The following ADAMTS2 variants were observed in gnomAD, a reference collection of about 807,000 sequenced individuals.
ADAMTS2 encodes ADAM metallopeptidase with thrombospondin type 1 motif 2, also known as A disintegrin and metalloproteinase with thrombospondin motifs 2.
A neutral mutation model predicts 123.0 loss-of-function variants in ADAMTS2; 50 were observed. The observed-to-expected ratio is 0.41, with a 90% CI of 0.32 to 0.51. ADAMTS2 has a LOEUF of 0.51. Among genes scored for constraint, ADAMTS2 ranks in the 20% least tolerant of loss-of-function variants. The pLI, the probability that ADAMTS2 is intolerant of heterozygous loss-of-function variation, is 0.35. For synonymous variants in ADAMTS2, 678 were observed against 695.4 expected (o/e 0.98, Z 0.39); for missense variants, 1,494 against 1,705.2 (o/e 0.88, Z 2.18).
In ADAMTS2 at chr5:179,238,185, G is replaced by T. The variant is rs201165214; in HGVS notation, c.689-30470C>A. On this transcript the variant is annotated intron_variant, in intron 3 of 21. Transcript: ENST00000251582. ...TCCTGAGCTTGAAGGAAGCCACAGCGGAACTTGGAGCTGCTCTAGTTCTCT... is the reference window on the plus strand; with the variant it reads ...TCCTGAGCTTGAAGGAAGCCACAGCTGAACTTGGAGCTGCTCTAGTTCTCT... Among the ~76,000 whole-genome samples the T allele has an allele frequency of 1.8e-4, 28 of 152,320 alleles. No homozygotes were observed. In the East Asian group the frequency reaches 5.2e-3, roughly 28 times the overall value.
At chr5:179,337,193 G>A (rs528568219) in intron 2 of ADAMTS2, among the ~76,000 whole-genome samples, 1 of 152,244 alleles carries the variant, frequency 6.6e-6, no homozygotes, top group East Asian at 1.9e-4. Context: ...CCACCAGTAG[G>A]GGATGGGGGT....
chr5:179,212,021 G>T (rs1764864554), intron 3 of ADAMTS2, among the ~76,000 whole-genome samples: 1 of 152,178 alleles, frequency 6.6e-6, no homozygotes, highest in Non-Finnish European at 1.5e-5. Flanking sequence ...AGGCCTCTGA[G>T]TCCAACGTTG....
chr5:179,163,633 C>T (rs993955075), intron 5 of ADAMTS2, among the ~76,000 whole-genome samples: 2 of 152,208 alleles, frequency 1.3e-5, no homozygotes, highest in South Asian at 2.1e-4. Context: ...CCACTCTGGC[C>T]GATCACCTCT....
intron 2 of ADAMTS2, among the ~76,000 whole-genome samples, chr5:179,320,182 G>T (rs1468206503): frequency 1.3e-5 from 2 of 152,296 alleles, no homozygotes; most frequent in East Asian, 3.9e-4. Context: ...TGTCTGCCTC[G>T]TGTCCTTCTC....
chr5:179,133,843 C>T (rs954837295), intron 13 of ADAMTS2, among the ~76,000 whole-genome samples: 3 of 151,740 alleles, frequency 2.0e-5, no homozygotes, highest in Non-Finnish European at 2.9e-5. Flanking sequence ...CTCAGCCTCC[C>T]GAGTCGCTGC....
intron 2 of ADAMTS2, among the ~76,000 whole-genome samples, chr5:179,316,014 T>C (rs756973198): frequency 1.3e-5 from 2 of 152,092 alleles, no homozygotes; most frequent in Admixed American, 6.5e-5. Flanking sequence ...TCAATACATA[T>C]ATAAGAAAAA....
At position 179,158,774 on chromosome 5, in the gene ADAMTS2, C is replaced by A; in HGVS notation, c.1081G>T (p.Asp361Tyr). The A allele has an allele frequency of 6.2e-7, 1 of 1,614,226 alleles. No individual in the cohort carries two copies. Among genetic ancestry groups the A allele is most frequent in the Non-Finnish European group, 8.5e-7 (1 of 1,180,054 alleles). Residue 361 changes from aspartate to tyrosine, a missense_variant, in exon 6 of 22, where the codon GAT (aspartate) becomes TAT (tyrosine). This residue lies in a region of ADAMTS2 where 47 missense variants were observed against 92.7 expected (regional missense o/e 0.51). Coordinates refer to ENST00000251582, the MANE Select transcript of ADAMTS2 (RefSeq NM_014244.5). The surrounding 1 kb of genome is among the most constrained non-coding windows in gnomAD (Gnocchi z 5.0). ...KPDTGHDEYH[D>Y]HAIFLTRQDF... ...TGCCGTGTGAGGAAGATGGCGTGATCGTGGTATTCATCGTGGCCCGTGTCT... is the reference window on the plus strand; with the variant it reads ...TGCCGTGTGAGGAAGATGGCGTGATAGTGGTATTCATCGTGGCCCGTGTCT...
chr5:179,118,795 G>C lies in ADAMTS2; in HGVS notation c.3178+2866C>G, dbSNP rs1053398112. 6.6e-6 allele frequency among the ~76,000 whole-genome samples: 1 copy of C among 152,236 alleles called. No homozygotes were observed. Among genetic ancestry groups the C allele is most frequent in the African/African-American group, 2.4e-5 (1 of 41,460 alleles). On this transcript the variant is annotated intron_variant, in intron 21 of 21. Coordinates refer to ENST00000251582, the MANE Select transcript of ADAMTS2 (RefSeq NM_014244.5). This position sits in a 1 kb window ranked among gnomAD's most constrained non-coding sequence, Gnocchi z 4.5. ...GCTGAAGGGAAATGAGCAAATGTGAGACAGGCTAAAGCTGGTAGCAAGTGA... is the reference window on the plus strand; with the variant it reads ...GCTGAAGGGAAATGAGCAAATGTGACACAGGCTAAAGCTGGTAGCAAGTGA...
chr5:179,176,310 C>T (rs1348476406), intron 5 of ADAMTS2, among the ~76,000 whole-genome samples: 1 of 152,130 alleles, frequency 6.6e-6, no homozygotes, highest in Non-Finnish European at 1.5e-5. Flanking sequence ...CTCTCCCAGG[C>T]TCCCCCTAGG....
At chr5:179,231,748 G>A (rs915813370) in intron 3 of ADAMTS2, among the ~76,000 whole-genome samples, 3 of 151,750 alleles carry the variant, frequency 2.0e-5, no homozygotes, top group Admixed American at 6.6e-5. Flanking sequence ...GAGTCTTCTC[G>A]GTGCAGTGAA....
chr5:179,150,651 A>G (rs1763337301), intron 10 of ADAMTS2, among the ~76,000 whole-genome samples: 1 of 152,202 alleles, frequency 6.6e-6, no homozygotes, highest in Admixed American at 6.5e-5. Context: ...ATTCTGCTGA[A>G]TGAAGTGAGT....
At chr5:179,282,136 G>C (rs1462287501) in intron 2 of ADAMTS2, among the ~76,000 whole-genome samples, 1 of 152,118 alleles carries the variant, frequency 6.6e-6, no homozygotes, top group Non-Finnish European at 1.5e-5. Context: ...AGTCATGAAG[G>C]ACTTTCTTGA....
intron 10 of ADAMTS2, 79 bp downstream of exon 10, chr5:179,152,063 C>T: frequency 7.4e-7 from 1 of 1,349,734 alleles, no homozygotes; most frequent in Admixed American, 1.8e-5. Context: ...CACTTCAGGG[C>T]CTGTCCCTGG....
intron 2 of ADAMTS2, among the ~76,000 whole-genome samples, chr5:179,288,881 C>A (rs980641751): frequency 1.1e-4 from 17 of 152,228 alleles, no homozygotes; most frequent in Non-Finnish European, 2.4e-4. Flanking sequence ...AAGGCCACAC[C>A]AGGCTTATGT....
At chr5:179,140,141 TG>T in intron 10 of ADAMTS2, 106 bp from the exon 11 acceptor site, 1 of 1,545,896 alleles carries the variant, frequency 6.5e-7, no homozygotes. Context: ...GGCCCCACTC[TG>T]GGGCACAGGG....
intron 10 of ADAMTS2, among the ~76,000 whole-genome samples, chr5:179,149,328 C>A (rs1219397070): frequency 6.6e-6 from 1 of 152,216 alleles, no homozygotes; most frequent in Non-Finnish European, 1.5e-5. Flanking sequence ...AGAAGCCAAC[C>A]TTGCTGGCAC....
At position 179,158,375 on chromosome 5, in the gene ADAMTS2, G is replaced by A. The variant is rs367872566; in HGVS notation, c.1132+348C>T. Among the ~76,000 whole-genome samples, 1 of 152,172 alleles carries A rather than the reference G, an allele frequency of 6.6e-6. No individual in the cohort carries two copies. The highest frequency in any genetic ancestry group is 1.5e-5 in the Non-Finnish European group (1 of 68,038). The stretch of plus-strand genomic sequence containing the variant: ...TCTTATTTAGACCTAAAATCCATGT[G>A]AGATGCTCTCTGTCTATAGAGTGAG... On this transcript the variant is annotated intron_variant, in intron 6 of 21. Coordinates refer to ENST00000251582, the MANE Select transcript of ADAMTS2 (RefSeq NM_014244.5). This position sits in a 1 kb window ranked among gnomAD's most constrained non-coding sequence, Gnocchi z 5.0.
chr5:179,329,245 T>G (rs1483474853), intron 2 of ADAMTS2, among the ~76,000 whole-genome samples: 1 of 150,700 alleles, frequency 6.6e-6, no homozygotes, highest in Non-Finnish European at 1.5e-5. Context: ...GAGAATGGCG[T>G]GAACCCAGGA....
intron 2 of ADAMTS2, among the ~76,000 whole-genome samples, chr5:179,320,981 C>A (rs539775790): frequency 1.5e-4 from 23 of 152,224 alleles, no homozygotes; most frequent in African/African-American, 4.8e-4. Flanking sequence ...GGAAAAAAAA[C>A]AACTGAAAAT....
Sources: allele counts gnomAD v4.1 joint callset (sites outside exome capture counted in the v4.1 genomes callset), GRCh38; gene constraint gnomAD v4.1.1; regional missense constraint gnomAD v4.1.1; non-coding constraint Gnocchi (gnomAD v3.1); transcripts MANE v1.5; gene names NCBI Gene and HGNC (gene_info 2026-07-23, HGNC 2026-07-21).